RGPD2: variants seen among roughly 807,000 people sequenced by gnomAD.
RGPD2 encodes RANBP2-like and GRIP domain-containing protein 2.
In RGPD2, 2 loss-of-function variants were observed where a neutral mutation model predicts 36.0. That is an observed-to-expected ratio of 0.06 (90% confidence interval 0.02 to 0.17). The LOEUF is 0.17. Ranked by LOEUF, RGPD2 falls within the 10% of genes least tolerant of loss-of-function variation. The pLI is 1.00. For synonymous variants in RGPD2, 19 were observed against 163.8 expected (o/e 0.12, Z 6.75); for missense variants, 40 against 464.3 (o/e 0.09, Z 8.40).
chr2:87,858,220 G>C, the RGPD2 span, among the ~76,000 whole-genome samples: 1 of 151,946 alleles, frequency 6.6e-6, no homozygotes, highest in Non-Finnish European at 1.5e-5. Flanking sequence ...AGAGGTTGCA[G>C]TGAGCCAAGA....
At chr2:87,957,314 GC>G in the RGPD2 span, among the ~76,000 whole-genome samples, 2,123 of 146,102 alleles carry the variant, frequency 0.015, 75 homozygotes, top group African/African-American at 0.054. Flanking sequence ...CTCTCTTTCT[GC>G]CAGCCACATG....
the RGPD2 span, among the ~76,000 whole-genome samples, chr2:87,952,154 G>T: frequency 1.3e-5 from 2 of 152,274 alleles, no homozygotes; most frequent in African/African-American, 4.8e-5. Flanking sequence ...AAAATGAGAA[G>T]TATTCTTTTT....
chr2:87,866,575 G>T, the RGPD2 span, among the ~76,000 whole-genome samples: 1 of 152,362 alleles, frequency 6.6e-6, no homozygotes, highest in African/African-American at 2.4e-5. Context: ...ATTTCCATTC[G>T]TTCATAGAGG....
the RGPD2 span, among the ~76,000 whole-genome samples, chr2:87,847,377 T>C: frequency 6.6e-6 from 1 of 152,200 alleles, no homozygotes; most frequent in Non-Finnish European, 1.5e-5. Context: ...TGATATTTTT[T>C]CTATTGTAGG....
chr2:87,842,811 T>C, the RGPD2 span, among the ~76,000 whole-genome samples: 4 of 151,352 alleles, frequency 2.6e-5, no homozygotes, highest in Admixed American at 6.6e-5. Context: ...CTTCAAACTA[T>C]ACTACAAGGC....
At chr2:87,928,897 G>A in the RGPD2 span, among the ~76,000 whole-genome samples, 104 of 151,562 alleles carry the variant, frequency 6.9e-4, no homozygotes, top group Non-Finnish European at 1.3e-3. Flanking sequence ...TTAATGAGGT[G>A]GGTTTTTTTT....
At chr2:87,874,022 T>C in the RGPD2 span, among the ~76,000 whole-genome samples, 4 of 152,036 alleles carry the variant, frequency 2.6e-5, no homozygotes, top group Admixed American at 2.0e-4. Flanking sequence ...GCCATATGAA[T>C]GTCTTCTTTT....
At chr2:87,880,567 C>T in the RGPD2 span, among the ~76,000 whole-genome samples, 1 of 44,832 alleles carries the variant, frequency 2.2e-5, no homozygotes, top group African/African-American at 1.3e-4. Context: ...TGGAAGGCAA[C>T]GTTGGAGTAG....
chr2:87,879,071 T>C, the RGPD2 span, among the ~76,000 whole-genome samples: 16 of 152,364 alleles, frequency 1.1e-4, no homozygotes, highest in African/African-American at 3.8e-4. Context: ...GCCATACCGA[T>C]TTTATTTCCT....
the RGPD2 span, chr2:87,985,858 T>G: frequency 1.2e-6 from 2 of 1,610,466 alleles, no homozygotes; most frequent in Non-Finnish European, 1.7e-6. Flanking sequence ...TTGACAAGCA[T>G]CTGAACTGCT....
the RGPD2 span, among the ~76,000 whole-genome samples, chr2:87,865,201 T>C: frequency 0.01 from 1,542 of 152,240 alleles, 14 homozygotes; most frequent in African/African-American, 0.034. Flanking sequence ...ATCTTCCTTT[T>C]GGTTATAGGA....
chr2:87,902,328 T>C, the RGPD2 span, among the ~76,000 whole-genome samples: 1 of 152,206 alleles, frequency 6.6e-6, no homozygotes, highest in African/African-American at 2.4e-5. Context: ...TGTACAAATA[T>C]GCACATTGAA....
the RGPD2 span, among the ~76,000 whole-genome samples, chr2:87,884,247 A>G: frequency 6.6e-6 from 1 of 151,942 alleles, no homozygotes; most frequent in Non-Finnish European, 1.5e-5. Context: ...TATCTTGAGA[A>G]AACAAGAATG....
chr2:87,913,232 T>C, the RGPD2 span, among the ~76,000 whole-genome samples: 2 of 152,018 alleles, frequency 1.3e-5, no homozygotes, highest in East Asian at 1.9e-4. Context: ...GATGAGTTCA[T>C]GTCCTTTGTA....
At chr2:87,840,537 T>TA in the RGPD2 span, among the ~76,000 whole-genome samples, 18 of 150,730 alleles carry the variant, frequency 1.2e-4, no homozygotes, top group South Asian at 8.4e-4. Flanking sequence ...GGATGTATTT[T>TA]AAAAAAAAAA....
chr2:87,948,561 A>G, the RGPD2 span, among the ~76,000 whole-genome samples: 2 of 145,296 alleles, frequency 1.4e-5, no homozygotes, highest in African/African-American at 5.1e-5. Context: ...TTGTATTTTT[A>G]GTAGAGACGG....
At chr2:87,961,374 C>A in the RGPD2 span, among the ~76,000 whole-genome samples, 16 of 151,910 alleles carry the variant, frequency 1.1e-4, no homozygotes, top group Non-Finnish European at 2.2e-4. Context: ...GAGCTGCACT[C>A]GGCCGGGCTC....
chr2:87,824,751 C>CGCG (rs1686570130), intron 1 of RGPD2, among the ~76,000 whole-genome samples: 1 of 86,674 alleles, frequency 1.2e-5, no homozygotes, highest in South Asian at 3.7e-4. Flanking sequence ...AGGCCGCCGC[C>CGCG]GCCGCCGCCG....
At chr2:87,876,393 C>T in the RGPD2 span, among the ~76,000 whole-genome samples, 1 of 152,198 alleles carries the variant, frequency 6.6e-6, no homozygotes. Flanking sequence ...CTGAACACTG[C>T]TTTAGCTCCA....
Sources: gnomAD v4.1 joint callset for allele counts (sites outside exome capture counted in the v4.1 genomes callset) on GRCh38, gnomAD v4.1.1 for gene constraint, MANE v1.5 for transcripts, NCBI Gene and HGNC (gene_info 2026-07-23, HGNC 2026-07-21) for gene names.